The following ALPK2 variants were observed in gnomAD, a reference collection of about 807,000 sequenced individuals.
The protein encoded by ALPK2 is alpha kinase 2, also known as alpha-protein kinase 2.
Under a neutral mutation model 163.1 loss-of-function variants are expected in ALPK2, and 127 were observed. The observed-to-expected ratio is 0.78, with a 90% CI of 0.67 to 0.90. ALPK2 has a LOEUF of 0.90. Ranked by LOEUF, ALPK2 falls within the 40% of genes least tolerant of loss-of-function variation. The pLI, the probability that ALPK2 is intolerant of heterozygous loss-of-function variation, is 0.00. For synonymous variants in ALPK2, 953 were observed against 959.1 expected (o/e 0.99, Z 0.12); for missense variants, 2,360 against 2,589.6 (o/e 0.91, Z 1.92).
chr18:58,543,422 G>A lies in ALPK2; in HGVS notation c.1963-5198C>T, dbSNP rs150285800. The A allele has an allele frequency of 1.3e-4, 124 of 985,314 alleles. 1 individual carries two copies. The African/African-American group carries it at 1.3e-3, about 11-fold the overall frequency. The allele number at this position is 985,314 out of a possible 1,614,324, so 61.0% of individuals were successfully genotyped here. ...AGGAGCTTGTGGAGGCAGTCTGTGC[G>A]TTGATACAGGCAGGAGGCTTTAAGA... On this transcript the variant is annotated intron_variant, in intron 4 of 12. Transcript: ENST00000361673.
At chr18:58,550,410 C>CG (rs2051746660) in intron 4 of ALPK2, among the ~76,000 whole-genome samples, 1 of 150,602 alleles carries the variant, frequency 6.6e-6, no homozygotes, top group African/African-American at 2.4e-5. Context: ...CAACCCCATC[C>CG]CATTTCCATC....
At chr18:58,485,827 C>T (rs2051336095) in intron 12 of ALPK2, among the ~76,000 whole-genome samples, 1 of 152,192 alleles carries the variant, frequency 6.6e-6, no homozygotes, top group Non-Finnish European at 1.5e-5. Flanking sequence ...TCCTGAGCTC[C>T]TCAAATGGGG....
At chr18:58,588,928 T>C (rs1232343676) in intron 3 of ALPK2, among the ~76,000 whole-genome samples, 1 of 152,276 alleles carries the variant, frequency 6.6e-6, no homozygotes, top group Non-Finnish European at 1.5e-5. Context: ...TAGAATGATT[T>C]ATATTCCTTT....
At chr18:58,525,875 A>T (rs2051581593) in intron 6 of ALPK2, among the ~76,000 whole-genome samples, 2 of 151,916 alleles carry the variant, frequency 1.3e-5, no homozygotes, top group South Asian at 4.2e-4. Flanking sequence ...TCTCCATGAT[A>T]CAAAACTACC....
intron 3 of ALPK2, among the ~76,000 whole-genome samples, chr18:58,603,407 G>A (rs1242711859): frequency 3.3e-5 from 5 of 152,186 alleles, no homozygotes; most frequent in Admixed American, 6.5e-5. Flanking sequence ...GTCCCTGCCC[G>A]GTGCTCTATG....
At chr18:58,532,334 G>A (rs2051620512) in intron 5 of ALPK2, among the ~76,000 whole-genome samples, 1 of 152,194 alleles carries the variant, frequency 6.6e-6, no homozygotes, top group Admixed American at 6.5e-5. Flanking sequence ...CCCCACACGA[G>A]AGGGGAGAGG....
intron 3 of ALPK2, among the ~76,000 whole-genome samples, chr18:58,606,438 C>T (rs1352655613): frequency 6.6e-6 from 1 of 152,178 alleles, no homozygotes; most frequent in African/African-American, 2.4e-5. Context: ...TGTTTATGAA[C>T]AACTCCTCTA....
intron 1 of ALPK2, among the ~76,000 whole-genome samples, chr18:58,624,512 TG>T (rs1416660113): frequency 6.6e-6 from 1 of 151,672 alleles, no homozygotes; most frequent in African/African-American, 2.4e-5. Flanking sequence ...TGGAGTGCAA[TG>T]GCACGATTTC....
intron 11 of ALPK2, 41 bp from the exon 12 acceptor site, chr18:58,498,138 A>T (rs780752431): frequency 5.0e-6 from 8 of 1,605,722 alleles, no homozygotes; most frequent in East Asian, 2.2e-5. Context: ...TGTGTTACTC[A>T]GGGCCCCTCA....
chr18:58,591,010 A>G (rs2052012316), intron 3 of ALPK2, among the ~76,000 whole-genome samples: 1 of 152,150 alleles, frequency 6.6e-6, no homozygotes, highest in Non-Finnish European at 1.5e-5. Context: ...TGGGAAGGGA[A>G]GAAGGAAGAA....
chr18:58,498,129 G>A (rs2051410635), intron 11 of ALPK2, 32 bp from the exon 12 acceptor site: 1 of 1,612,436 alleles, frequency 6.2e-7, no homozygotes. Context: ...ATGGGAGTTT[G>A]TGTTACTCAG....
intron 5 of ALPK2, 114 bp from the exon 6 acceptor site, chr18:58,529,352 G>A: frequency 8.5e-7 from 1 of 1,173,684 alleles, no homozygotes; most frequent in South Asian, 1.7e-5. Flanking sequence ...CCCAATTATG[G>A]AAGTGAGAAT....
At chr18:58,590,847 C>T (rs752484885) in intron 3 of ALPK2, among the ~76,000 whole-genome samples, 15 of 152,210 alleles carry the variant, frequency 9.9e-5, no homozygotes, top group Non-Finnish European at 2.2e-4. Context: ...GACCTCAGAG[C>T]TGTGTCTCTC....
At chr18:58,594,531 T>C (rs2052031747) in intron 3 of ALPK2, among the ~76,000 whole-genome samples, 3 of 152,164 alleles carry the variant, frequency 2.0e-5, no homozygotes, top group African/African-American at 4.8e-5. Flanking sequence ...AGGACTAAGA[T>C]GAATGCTCCA....
rs542050247 is a variant in ALPK2 at position 58,534,732 on chromosome 18, G to T, written c.5353+102C>A. The T allele has an allele frequency of 3.5e-6, 5 of 1,431,364 alleles. No individual in the cohort carries two copies. The South Asian group carries it at 5.6e-5, about 16-fold the overall frequency. The allele number at this position is 1,431,364 out of a possible 1,614,324, so 88.7% of individuals were successfully genotyped here. On this transcript the variant is annotated intron_variant, in intron 5 of 12. Transcript: ENST00000361673. ...ACCATAGCATCAATGCCCACCTGGG[G>T]GACACTGGCCTTAATTGCAAAGGAC...
At chr18:58,585,818 G>A (rs1464839262) in intron 3 of ALPK2, among the ~76,000 whole-genome samples, 2 of 151,954 alleles carry the variant, frequency 1.3e-5, no homozygotes, top group Non-Finnish European at 2.9e-5. Flanking sequence ...CAAGTAGCTG[G>A]GACTATAGGC....
chr18:58,560,725 G>A (rs2051821766), intron 4 of ALPK2, among the ~76,000 whole-genome samples: 2 of 152,210 alleles, frequency 1.3e-5, no homozygotes, highest in South Asian at 4.1e-4. Context: ...ATACCATACT[G>A]TTACGTGGGC....
intron 3 of ALPK2, among the ~76,000 whole-genome samples, chr18:58,585,991 G>A (rs1230294311): frequency 1.3e-5 from 2 of 152,060 alleles, no homozygotes; most frequent in Non-Finnish European, 2.9e-5. Flanking sequence ...GCCCTATATT[G>A]CATTTTAAGT....
rs774436119 is a variant in ALPK2, at chr18:58,535,101, C to T, written c.5086G>A (p.Gly1696Ser). 10 of 1,614,136 alleles carry T rather than the reference C, an allele frequency of 6.2e-6. No individual in the cohort carries two copies. The highest frequency in any genetic ancestry group is 8.5e-6 in the Non-Finnish European group (10 of 1,180,018). The change falls in exon 5 of 13, where the codon GGC becomes AGC. Residue 1696 changes from glycine (G) to serine (S), a missense_variant. Physicochemically the swap from Gly to Ser is moderately conservative, Grantham distance 56. Transcript: ENST00000361673. The stretch of plus-strand genomic sequence containing the variant: ...GCTGTGAGGGTCCCTGGCGATTTGC[C>T]TGCTCGGGCTTCCAGGGACTTCTCT... ...EREKSLEARA[G>S]KSPGTLTAVT...
Sources: allele counts gnomAD v4.1 joint callset (sites outside exome capture counted in the v4.1 genomes callset), GRCh38; gene constraint gnomAD v4.1.1; transcripts MANE v1.5; gene names NCBI Gene and HGNC (gene_info 2026-07-23, HGNC 2026-07-21).